SNTG2: variants seen among roughly 807,000 people sequenced by gnomAD.
SNTG2 encodes the protein syntrophin gamma 2.
SNTG2 carries 74 observed loss-of-function variants against 70.9 expected under a neutral mutation model. That is an observed-to-expected ratio of 1.04 (90% CI 0.86 to 1.27). The LOEUF (loss-of-function observed/expected upper bound fraction) is 1.27, where lower values mean the gene tolerates loss of function less well. SNTG2 is among the 50% of genes most tolerant of loss of function. The pLI is 0.00. For synonymous variants in SNTG2, 278 were observed against 273.8 expected (o/e 1.02, Z -0.15); for missense variants, 717 against 690.7 (o/e 1.04, Z -0.43).
chr2:1,269,880 T>A (rs36142887), intron 14 of SNTG2, among the ~76,000 whole-genome samples: 1 of 151,954 alleles, frequency 6.6e-6, no homozygotes, highest in African/African-American at 2.4e-5. Flanking sequence ...TGTAAGTGGG[T>A]GTGGGCATCC....
chr2:1,223,436 C>G (rs535930705), intron 9 of SNTG2, among the ~76,000 whole-genome samples: 1 of 151,130 alleles, frequency 6.6e-6, no homozygotes, highest in African/African-American at 2.4e-5. Context: ...GCCTGCAGCC[C>G]GGGCACTGAT....
At chr2:1,058,457 G>T (rs1394455478) in intron 1 of SNTG2, among the ~76,000 whole-genome samples, 2 of 152,122 alleles carry the variant, frequency 1.3e-5, no homozygotes, top group Non-Finnish European at 2.9e-5. Context: ...TGTTTTAGTG[G>T]GTTTATTGGC....
intron 12 of SNTG2, among the ~76,000 whole-genome samples, chr2:1,257,965 CTTTATA>C (rs1678216990): frequency 6.6e-6 from 1 of 152,076 alleles, no homozygotes; most frequent in Non-Finnish European, 1.5e-5. Flanking sequence ...TTTTTTTCCC[CTTTATA>C]TTTACAGCCT....
Position 1,137,780 on chromosome 2 carries a change from C to G in SNTG2, c.382C>G (p.His128Asp). Residue 128 changes from histidine (H) to aspartate (D), a missense_variant, in exon 6 of 17, where the codon CAT becomes GAT. Transcript: ENST00000308624. ...GDAVLQVNGIHVENATHEEVV... is the reference protein window; with the variant it reads ...GDAVLQVNGIDVENATHEEVV... ...GTCATCTGTTCAGGTTAATGGCATA[C>G]ATGTAGAAAATGCAACTCATGAAGA... 1.2e-6 allele frequency: 2 copies of G among 1,613,444 alleles called. No homozygotes were observed. Among genetic ancestry groups the G allele is most frequent in the Non-Finnish European group, 1.7e-6 (2 of 1,179,632 alleles).
At chr2:1,102,126 G>A (rs554063882) in intron 4 of SNTG2, among the ~76,000 whole-genome samples, 64 of 152,328 alleles carry the variant, frequency 4.2e-4, no homozygotes, top group African/African-American at 1.5e-3. Flanking sequence ...GTGAACACGT[G>A]TGCGATACAT....
chr2:1,008,560 A>G (rs1306157569), intron 1 of SNTG2, among the ~76,000 whole-genome samples: 4 of 152,174 alleles, frequency 2.6e-5, no homozygotes, highest in Non-Finnish European at 4.4e-5. Context: ...TGAATTTCAG[A>G]CTAAATGCCT....
chr2:1,195,743 T>G (rs968372945), intron 8 of SNTG2, among the ~76,000 whole-genome samples: 2 of 152,198 alleles, frequency 1.3e-5, no homozygotes, highest in African/African-American at 4.8e-5. Flanking sequence ...CCCATTTGTC[T>G]ATTTTGGCTT....
chr2:1,317,827 T>G (rs72629184), intron 16 of SNTG2, among the ~76,000 whole-genome samples: 2,314 of 37,948 alleles, frequency 0.061, 984 homozygotes, highest in Middle Eastern at 0.28. Flanking sequence ...GGATGCTCAA[T>G]CTGTATAGGA....
chr2:970,394 A>G (rs1660698024), intron 1 of SNTG2, among the ~76,000 whole-genome samples: 1 of 148,542 alleles, frequency 6.7e-6, no homozygotes, highest in African/African-American at 2.5e-5. Flanking sequence ...CATTAGGTAT[A>G]TCTCCCAATG....
At chr2:983,396 A>T (rs1351671580) in intron 1 of SNTG2, among the ~76,000 whole-genome samples, 2 of 152,164 alleles carry the variant, frequency 1.3e-5, no homozygotes, top group Non-Finnish European at 2.9e-5. Context: ...GCTCTTTAGC[A>T]GAAGCTGCAG....
chr2:1,092,431 C>G (rs1344582342), intron 2 of SNTG2, among the ~76,000 whole-genome samples: 1 of 152,140 alleles, frequency 6.6e-6, no homozygotes, highest in South Asian at 2.1e-4. Context: ...GTCCTCACCA[C>G]AAGAAGGGTT....
At chr2:1,323,442 G>A (rs1681618053) in intron 16 of SNTG2, among the ~76,000 whole-genome samples, 1 of 151,528 alleles carries the variant, frequency 6.6e-6, no homozygotes, top group South Asian at 2.1e-4. Context: ...CTGGGACATG[G>A]CTCACAGTCA....
At chr2:985,252 A>G (rs560003115) in intron 1 of SNTG2, among the ~76,000 whole-genome samples, 1 of 152,272 alleles carries the variant, frequency 6.6e-6, no homozygotes, top group South Asian at 2.1e-4. Context: ...AGCGACGGAA[A>G]TGCATGTGCC....
chr2:1,198,434 A>C (rs1446594684), intron 8 of SNTG2, among the ~76,000 whole-genome samples: 1 of 152,016 alleles, frequency 6.6e-6, no homozygotes, highest in Non-Finnish European at 1.5e-5. Flanking sequence ...AGTGGAAAGT[A>C]TATAACAAAT....
chr2:1,036,796 TATCAA>T (rs1661153987), intron 1 of SNTG2, among the ~76,000 whole-genome samples: 1 of 152,222 alleles, frequency 6.6e-6, no homozygotes, highest in Non-Finnish European at 1.5e-5. Flanking sequence ...ATATTCCCCT[TATCAA>T]AGGTAAACAA....
intron 1 of SNTG2, among the ~76,000 whole-genome samples, chr2:1,069,050 G>A (rs915410285): frequency 2.9e-4 from 44 of 152,322 alleles, no homozygotes; most frequent in Admixed American, 2.4e-3. Flanking sequence ...ACGTGTCAGT[G>A]TCATTAGCTC....
At chr2:1,273,072 T>G (rs1201441674) in intron 14 of SNTG2, among the ~76,000 whole-genome samples, 2 of 152,202 alleles carry the variant, frequency 1.3e-5, no homozygotes, top group African/African-American at 4.8e-5. Context: ...CGGTGCTCCG[T>G]GGATTTTCCA....
At chr2:1,304,497 C>T (rs565055391) in intron 14 of SNTG2, among the ~76,000 whole-genome samples, 159 of 152,174 alleles carry the variant, frequency 1.0e-3, no homozygotes, top group African/African-American at 3.5e-3. Context: ...GAGGCCAAGG[C>T]GGGTGGATCA....
At chr2:1,077,097 A>T (rs1273861159) in intron 1 of SNTG2, among the ~76,000 whole-genome samples, 1 of 152,194 alleles carries the variant, frequency 6.6e-6, no homozygotes, top group Non-Finnish European at 1.5e-5. Flanking sequence ...ATCACCTATA[A>T]ATCATAATGC....
Sources: allele counts gnomAD v4.1 joint callset (sites outside exome capture counted in the v4.1 genomes callset), GRCh38; gene constraint gnomAD v4.1.1; transcripts MANE v1.5; gene names NCBI Gene and HGNC (gene_info 2026-07-23, HGNC 2026-07-21).